The following SHANK2 variants were observed in gnomAD, a reference collection of about 807,000 sequenced individuals.
The protein encoded by SHANK2 is SH3 and multiple ankyrin repeat domains protein 2.
SHANK2 carries 43 observed loss-of-function variants against 133.7 expected under a neutral mutation model. The ratio of observed to expected loss-of-function variants is 0.32; its 90% CI spans 0.25 to 0.41. The LOEUF (loss-of-function observed/expected upper bound fraction) is 0.41. Ranked by LOEUF, SHANK2 falls within the 10% of genes least tolerant of loss-of-function variation. The pLI, the probability that SHANK2 is intolerant of heterozygous loss-of-function variation, is 1.00. For missense variants in SHANK2, 1,994 were observed against 2,235.8 expected (o/e 0.89, Z 2.18); for synonymous variants, 1,017 against 952.8 (o/e 1.07, Z -1.24).
At chr11:71,168,718 A>C (rs7927148) in intron 2 of SHANK2, among the ~76,000 whole-genome samples, 1 of 151,978 alleles carries the variant, frequency 6.6e-6, no homozygotes, top group Non-Finnish European at 1.5e-5. Context: ...ACAGGCAGTC[A>C]GCAGGCTGAG....
intron 11 of SHANK2, among the ~76,000 whole-genome samples, chr11:70,832,721 C>A (rs535560696): frequency 4.6e-5 from 7 of 152,104 alleles, no homozygotes; most frequent in Non-Finnish European, 8.8e-5. Context: ...CCTACCCCCA[C>A]CCCCTCTTCT....
intron 17 of SHANK2, among the ~76,000 whole-genome samples, chr11:70,576,495 G>A (rs1467366642): frequency 6.6e-6 from 1 of 152,178 alleles, no homozygotes; most frequent in Non-Finnish European, 1.5e-5. Context: ...ATATTAGCCA[G>A]GCGTGGTGGT....
intron 9 of SHANK2, among the ~76,000 whole-genome samples, chr11:71,062,930 G>A (rs1951004636): frequency 1.3e-5 from 2 of 150,058 alleles, no homozygotes; most frequent in Non-Finnish European, 3.0e-5. Flanking sequence ...CCAAGAGGTC[G>A]TGGCTGCAGT....
Position 71,067,181 on chromosome 11 carries a change from G to C in SHANK2, c.1029+7978C>G, listed in dbSNP as rs892662326. ...AATGCTCAGGGGGCCATCACCCCAT[G>C]ATGGCCCCATGGGAGCTGCCACAGC... On this transcript the variant is annotated intron_variant, in intron 9 of 25. Transcript: ENST00000601538. 3.8e-3 allele frequency among the ~76,000 whole-genome samples: 578 copies of C among 152,312 alleles called. 2 individuals carry two copies. The highest frequency in any genetic ancestry group is 5.3e-3 in the Non-Finnish European group (362 of 68,028).
intron 3 of SHANK2, among the ~76,000 whole-genome samples, chr11:71,141,531 G>T (rs1313913044): frequency 6.6e-6 from 1 of 152,062 alleles, no homozygotes; most frequent in Non-Finnish European, 1.5e-5. Flanking sequence ...ACAACAAGAA[G>T]ATGTGACTTT....
chr11:71,198,738 A>T (rs2135616649), intron 2 of SHANK2, among the ~76,000 whole-genome samples: 1 of 152,276 alleles, frequency 6.6e-6, no homozygotes, highest in Non-Finnish European at 1.5e-5. Context: ...CAAAATCCAG[A>T]AGACAGCAGT....
rs1322571750 is a variant in SHANK2 at position 71,065,352 on chromosome 11, G to A, written c.1030-8794C>T. ...TGAGCAGTGAGTGGGGAAGTTGTGG[G>A]GGTGTGTGTGTGCAGAACTCTTCCA... is the stretch of plus-strand genomic sequence containing the variant. On this transcript the variant is annotated intron_variant, in intron 9 of 25. Transcript: ENST00000601538. Among the ~76,000 whole-genome samples the A allele has an allele frequency of 1.2e-3, 169 of 146,008 alleles. 1 individual carries two copies. Among genetic ancestry groups the A allele is most frequent in the African/African-American group, 3.9e-3 (154 of 39,468 alleles).
At chr11:71,090,925 G>T (rs1349377655) in intron 8 of SHANK2, among the ~76,000 whole-genome samples, 1 of 151,986 alleles carries the variant, frequency 6.6e-6, no homozygotes, top group Non-Finnish European at 1.5e-5. Context: ...CAACTCATTG[G>T]ATGGGGCCCA....
intron 14 of SHANK2, among the ~76,000 whole-genome samples, chr11:70,717,972 G>A (rs948972542): frequency 1.9e-4 from 29 of 152,132 alleles, no homozygotes; most frequent in African/African-American, 6.8e-4. Context: ...CTGAAAATTC[G>A]CTTCTTTGAC....
intron 14 of SHANK2, among the ~76,000 whole-genome samples, chr11:70,715,927 G>A (rs1032936128): frequency 6.6e-6 from 1 of 152,212 alleles, no homozygotes; most frequent in East Asian, 1.9e-4. Flanking sequence ...GAGCTAATCC[G>A]GCCTGGGCCC....
At chr11:70,623,220 T>G (rs2060855810) in intron 17 of SHANK2, among the ~76,000 whole-genome samples, 1 of 151,822 alleles carries the variant, frequency 6.6e-6, no homozygotes, top group Non-Finnish European at 1.5e-5. Context: ...GTGGGGCCTG[T>G]GCCTGCCTCT....
At chr11:71,142,100 G>T (rs1277858986) in intron 3 of SHANK2, among the ~76,000 whole-genome samples, 5 of 152,040 alleles carry the variant, frequency 3.3e-5, no homozygotes, top group Non-Finnish European at 5.9e-5. Flanking sequence ...AAGAAAGAGT[G>T]CAGGGCTATG....
intron 6 of SHANK2, among the ~76,000 whole-genome samples, chr11:71,105,958 C>T (rs4412775): frequency 0.88 from 133,815 of 152,144 alleles, 59,515 homozygotes; most frequent in Non-Finnish European, 0.95. Flanking sequence ...AGGATCACTA[C>T]TGGGTTACGA....
chr11:70,829,609 G>A (rs1057348447), intron 11 of SHANK2, among the ~76,000 whole-genome samples: 4 of 120,184 alleles, frequency 3.3e-5, no homozygotes, highest in Non-Finnish European at 6.9e-5. Context: ...GCCTGTGCAG[G>A]GGTGAGGGGC....
Position 70,487,627 on chromosome 11 carries a change from G to A in SHANK2, c.2666C>T (p.Pro889Leu), listed in dbSNP as rs782683572. Residue 889 changes from proline (P) to leucine (L), a missense_variant, in exon 25 of 26, where the codon CCT (proline) becomes CTT (leucine). Pro to Leu is a moderately conservative substitution (Grantham distance 98). This residue lies in a region of SHANK2 where 488 missense variants were observed against 642.6 expected (regional missense o/e 0.76). Transcript: ENST00000601538. This position sits in a 1 kb window ranked among gnomAD's most constrained non-coding sequence, Gnocchi z 5.8. Reference protein sequence around the residue: ...SMPDTSEDIPPPPQSVPPSPP... With the variant: ...SMPDTSEDIPLPPQSVPPSPP... ...GGACGGGGGCACAGACTGCGGTGGA[G>A]GGGGGATGTCCTCAGAGGTGTCCGG... The A allele has an allele frequency of 4.4e-6, 7 of 1,605,638 alleles. No homozygotes were observed. In the African/African-American group the frequency reaches 6.7e-5, roughly 15 times the overall value.
intron 14 of SHANK2, among the ~76,000 whole-genome samples, chr11:70,782,007 C>CAAGGACAAAAA (rs1429891248): frequency 6.6e-6 from 1 of 152,060 alleles, no homozygotes; most frequent in East Asian, 1.9e-4. Flanking sequence ...CAAACTATCG[C>CAAGGACAAAAA]AAGGACAAAA....
chr11:70,624,838 C>T (rs1264356762), intron 17 of SHANK2, among the ~76,000 whole-genome samples: 7 of 152,306 alleles, frequency 4.6e-5, no homozygotes, highest in South Asian at 2.1e-4. Flanking sequence ...CCTGGCAGGG[C>T]GGCTCTGCGA....
At chr11:71,235,222 C>T (rs899818061) in intron 1 of SHANK2, among the ~76,000 whole-genome samples, 10 of 152,132 alleles carry the variant, frequency 6.6e-5, no homozygotes, top group Admixed American at 1.3e-4. Context: ...TCACCAGGAA[C>T]ACAGGTGTCT....
chr11:70,948,394 T>C (rs1410763223), intron 10 of SHANK2: 1 of 456,934 alleles, frequency 2.2e-6, no homozygotes, highest in African/African-American at 2.0e-5. Context: ...AAACTCCATA[T>C]GTACTGGTGG....
Sources: allele counts gnomAD v4.1 joint callset (sites outside exome capture counted in the v4.1 genomes callset), GRCh38; gene constraint gnomAD v4.1.1; regional missense constraint gnomAD v4.1.1; non-coding constraint Gnocchi (gnomAD v3.1); transcripts MANE v1.5; gene names NCBI Gene and HGNC (gene_info 2026-07-23, HGNC 2026-07-21).